LRRC7: variants seen among roughly 807,000 people sequenced by gnomAD.
The protein encoded by LRRC7 is leucine rich repeat containing 7, also known as leucine-rich repeat-containing protein 7.
A neutral mutation model predicts 175.7 loss-of-function variants in LRRC7; 23 were observed. The ratio of observed to expected loss-of-function variants is 0.13; its 90% CI spans 0.09 to 0.19. LRRC7 has a LOEUF of 0.19. LRRC7 is among the 10% of genes least tolerant of loss of function. The pLI is 1.00. For synonymous variants in LRRC7, 685 were observed against 680.9 expected, an observed-to-expected ratio of 1.01 and a Z score of -0.09; for missense variants, 1,354 against 1,904.7, an observed-to-expected ratio of 0.71 and a Z score of 5.38.
chr1:70,042,226 G>C (rs1275602942), intron 21 of LRRC7, among the ~76,000 whole-genome samples: 1 of 152,120 alleles, frequency 6.6e-6, no homozygotes, highest in East Asian at 1.9e-4. Context: ...AAACTTCCCA[G>C]CTACTCAACA....
intron 2 of LRRC7, among the ~76,000 whole-genome samples, chr1:69,731,144 T>C (rs1667533575): frequency 6.6e-6 from 1 of 150,928 alleles, no homozygotes; most frequent in African/African-American, 2.5e-5. Context: ...CTACTAAAAA[T>C]ACAAAAAAAT....
intron 1 of LRRC7, among the ~76,000 whole-genome samples, chr1:69,617,705 C>T (rs1355659160): frequency 6.6e-6 from 1 of 151,968 alleles, no homozygotes; most frequent in African/African-American, 2.4e-5. Context: ...TTGCAGTCTG[C>T]TCTTCCTAAC....
intron 8 of LRRC7, among the ~76,000 whole-genome samples, chr1:69,970,655 G>A (rs1482633465): frequency 6.6e-6 from 1 of 151,900 alleles, no homozygotes; most frequent in Non-Finnish European, 1.5e-5. Context: ...CCAACAAAAA[G>A]AAGTCCAGGA....
At position 69,678,493 on chromosome 1, in the gene LRRC7, T is replaced by C. The variant is rs774220572; in HGVS notation, c.100+15T>C. 19 of 1,567,760 alleles carry C rather than the reference T, an allele frequency of 1.2e-5. No homozygotes were observed. Among genetic ancestry groups the C allele is most frequent in the Non-Finnish European group, 1.7e-5 (19 of 1,148,582 alleles). ...TGAAGAGGAGTGTAAGTATGTTTAA[T>C]AGGATTACCTGTGTTCTAGATAGAT... On this transcript the variant is annotated intron_variant, in intron 2 of 26. Transcript: ENST00000651989.
intron 2 of LRRC7, among the ~76,000 whole-genome samples, chr1:69,699,479 G>A (rs750892008): frequency 2.0e-5 from 3 of 152,150 alleles, no homozygotes; most frequent in Non-Finnish European, 4.4e-5. Context: ...GGCAGAGGTT[G>A]CAGTGAGCCA....
chr1:69,616,018 A>G (rs1297092933), intron 1 of LRRC7, among the ~76,000 whole-genome samples: 1 of 152,094 alleles, frequency 6.6e-6, no homozygotes, highest in Admixed American at 6.6e-5. Context: ...AATGAAAAAG[A>G]CAAGGCAAAT....
chr1:69,831,165 A>G (rs1338645233), intron 5 of LRRC7, among the ~76,000 whole-genome samples: 1 of 152,046 alleles, frequency 6.6e-6, no homozygotes. Context: ...TTAATTTAAC[A>G]GTGACACTGT....
chr1:69,986,578 C>A (rs1243961444), intron 10 of LRRC7, among the ~76,000 whole-genome samples, 192 bp downstream of exon 10: 1 of 152,126 alleles, frequency 6.6e-6, no homozygotes, highest in East Asian at 1.9e-4. Flanking sequence ...TTTCCAAATT[C>A]AAGAAGGCTC....
intron 6 of LRRC7, among the ~76,000 whole-genome samples, chr1:69,837,228 A>AT (rs1050783844): frequency 2.6e-5 from 4 of 151,938 alleles, no homozygotes; most frequent in African/African-American, 9.7e-5. Flanking sequence ...GATGTGACAG[A>AT]TTTTTACATG....
At chr1:69,818,742 G>A (rs1018542935) in intron 4 of LRRC7, among the ~76,000 whole-genome samples, 1 of 152,052 alleles carries the variant, frequency 6.6e-6, no homozygotes, top group Non-Finnish European at 1.5e-5. Flanking sequence ...GCTTTTCATT[G>A]TTGGGAGATT....
chr1:70,041,843 T>A (rs1270735210), intron 21 of LRRC7, among the ~76,000 whole-genome samples: 1 of 152,210 alleles, frequency 6.6e-6, no homozygotes, highest in Non-Finnish European at 1.5e-5. Flanking sequence ...CTCCTCTAGA[T>A]GAAGCAAGAA....
chr1:69,593,980 G>T (rs1160683654), intron 1 of LRRC7, among the ~76,000 whole-genome samples: 1 of 152,164 alleles, frequency 6.6e-6, no homozygotes, highest in African/African-American at 2.4e-5. Flanking sequence ...ACCTTGGGAA[G>T]TTTTCTTAAT....
intron 7 of LRRC7, among the ~76,000 whole-genome samples, chr1:69,916,759 T>C (rs1045784215): frequency 3.9e-5 from 6 of 152,268 alleles, no homozygotes; most frequent in African/African-American, 9.6e-5. Context: ...CTATTTATGT[T>C]GTGAATAACA....
At chr1:70,035,229 A>G (rs1358391954) in intron 18 of LRRC7, among the ~76,000 whole-genome samples, 1 of 152,144 alleles carries the variant, frequency 6.6e-6, no homozygotes, top group Non-Finnish European at 1.5e-5. Context: ...ATATATCACT[A>G]CTTATGGGCA....
intron 1 of LRRC7, among the ~76,000 whole-genome samples, chr1:69,625,109 G>A (rs1651267037): frequency 6.6e-6 from 1 of 151,768 alleles, no homozygotes; most frequent in Non-Finnish European, 1.5e-5. Flanking sequence ...CATTTCTAAA[G>A]CCGTCTGAGC....
chr1:70,050,353 C>T (rs927991070), intron 22 of LRRC7, among the ~76,000 whole-genome samples: 12 of 152,040 alleles, frequency 7.9e-5, no homozygotes, highest in African/African-American at 2.9e-4. Flanking sequence ...TTCTACTCAG[C>T]ATTATTGCAT....
intron 4 of LRRC7, among the ~76,000 whole-genome samples, chr1:69,796,136 A>C (rs1453289927): frequency 3.1e-5 from 3 of 96,342 alleles, no homozygotes; most frequent in East Asian, 3.7e-4. Context: ...ACCCCTCAAC[A>C]GTCCCTGGTG....
chr1:69,907,988 G>A (rs758591422), intron 7 of LRRC7, among the ~76,000 whole-genome samples: 7 of 152,118 alleles, frequency 4.6e-5, no homozygotes, highest in Non-Finnish European at 1.0e-4. Flanking sequence ...GTTTAGTCTT[G>A]GGAGGGTGTA....
At chr1:69,925,114 A>G (rs1301184726) in intron 7 of LRRC7, among the ~76,000 whole-genome samples, 3 of 152,142 alleles carry the variant, frequency 2.0e-5, no homozygotes, top group African/African-American at 7.2e-5. Context: ...ATTGATTTGC[A>G]TATATTGAAC....
Sources: gnomAD v4.1 joint callset for allele counts (sites outside exome capture counted in the v4.1 genomes callset) on GRCh38, gnomAD v4.1.1 for gene constraint, MANE v1.5 for transcripts, NCBI Gene and HGNC (gene_info 2026-07-23, HGNC 2026-07-21) for gene names.